Variants in ZC3H3 observed in about 807,000 individuals in gnomAD.
The protein encoded by ZC3H3 is zinc finger CCCH-type containing 3.
In ZC3H3, 36 loss-of-function variants were observed where a neutral mutation model predicts 77.3. That is an observed-to-expected ratio of 0.47 (90% CI 0.36 to 0.61). ZC3H3 has a LOEUF of 0.61. Among genes scored for constraint, ZC3H3 ranks in the 20% least tolerant of loss-of-function variants. The pLI, the probability that ZC3H3 is intolerant of heterozygous loss-of-function variation, is 0.00. For missense variants in ZC3H3, 1,331 were observed against 1,312.2 expected (o/e 1.01, Z -0.22); for synonymous variants, 626 against 555.2 (o/e 1.13, Z -1.79).
intron 4 of ZC3H3, among the ~76,000 whole-genome samples, chr8:143,498,121 G>A (rs1184729986): frequency 6.6e-6 from 1 of 152,330 alleles, no homozygotes; most frequent in South Asian, 2.1e-4. Flanking sequence ...GGGGCCCGGG[G>A]CAGGGGCTGT....
At position 143,483,680 on chromosome 8, in the gene ZC3H3, A is replaced by G. The variant is rs528858534; in HGVS notation, c.1716-8095T>C. Among the ~76,000 whole-genome samples the G allele has an allele frequency of 2.0e-5, 3 of 152,146 alleles. No homozygotes were observed. The South Asian group carries it at 6.2e-4, about 32-fold the overall frequency. On this transcript the variant is annotated intron_variant, in intron 4 of 11. Coordinates refer to ENST00000262577, the MANE Select transcript of ZC3H3 (RefSeq NM_015117.3). The stretch of plus-strand genomic sequence containing the variant: ...TGGCTGCCAGGGCTGAAATCTGACT[A>G]CGTGGTGGCCACGCAGGCCTCACGA...
intron 4 of ZC3H3, 108 bp downstream of exon 4, chr8:143,507,638 G>C: frequency 7.7e-7 from 1 of 1,305,056 alleles, no homozygotes; most frequent in Admixed American, 3.3e-5. Flanking sequence ...AGCAGTTCTG[G>C]GATGTGCTCA....
chr8:143,453,723 C>T (rs1036137066), intron 9 of ZC3H3, among the ~76,000 whole-genome samples: 3 of 152,224 alleles, frequency 2.0e-5, no homozygotes, highest in African/African-American at 7.2e-5. Context: ...GACTTTCCAT[C>T]TCTTCCCCAG....
chr8:143,528,357 C>G (rs996861570), intron 3 of ZC3H3, among the ~76,000 whole-genome samples: 1 of 152,248 alleles, frequency 6.6e-6, no homozygotes, highest in Non-Finnish European at 1.5e-5. Flanking sequence ...GGCCACGCCT[C>G]GGCCAGGCAG....
intron 3 of ZC3H3, among the ~76,000 whole-genome samples, chr8:143,524,285 T>G (rs1048581556): frequency 1.3e-5 from 2 of 152,200 alleles, no homozygotes; most frequent in Admixed American, 6.5e-5. Context: ...CCACAGTTAC[T>G]GAAGCCAAAC....
chr8:143,538,857 C>A lies in ZC3H3; in HGVS notation c.510G>T (p.Gln170His). ...REGEGEPPRG[Q>H]LQPSRPTRAR... The stretch of plus-strand genomic sequence containing the variant: ...CTCTTGTTGGCCTCGAGGGCTGCAG[C>A]TGTCCCCGAGGGGGCTCACCTTCAC... Residue 170 changes from glutamine to histidine, a missense_variant, in exon 2 of 12, where the codon CAG becomes CAT. Gln to His is a conservative substitution (Grantham distance 24). Transcript: ENST00000262577. The A allele has an allele frequency of 6.2e-7, 1 of 1,612,386 alleles. No homozygotes were observed. The highest frequency in any genetic ancestry group is 8.5e-7 in the Non-Finnish European group (1 of 1,179,714).
intron 8 of ZC3H3, among the ~76,000 whole-genome samples, chr8:143,467,851 A>G (rs73715606): frequency 0.03 from 4,490 of 149,880 alleles, 204 homozygotes; most frequent in African/African-American, 0.1. Flanking sequence ...CCCAGTCTGA[A>G]GAGGCCCTGA....
chr8:143,506,979 G>A (rs372904366), intron 4 of ZC3H3, among the ~76,000 whole-genome samples: 20 of 152,346 alleles, frequency 1.3e-4, no homozygotes, highest in East Asian at 1.2e-3. Context: ...GCAGATTCCC[G>A]CGGGGAGGGT....
intron 2 of ZC3H3, 79 bp from the exon 3 acceptor site, chr8:143,536,532 G>A: frequency 7.2e-7 from 1 of 1,380,630 alleles, no homozygotes; most frequent in Non-Finnish European, 9.5e-7. Context: ...AGGACCCGAG[G>A]AGCGTGGGAG....
intron 4 of ZC3H3, among the ~76,000 whole-genome samples, chr8:143,487,716 A>C (rs1437221130): frequency 3.4e-5 from 1 of 29,302 alleles, no homozygotes; most frequent in Non-Finnish European, 6.9e-5. Context: ...AGCACCCGCT[A>C]CACTGCCCCA....
chr8:143,484,317 G>T (rs915261804), intron 4 of ZC3H3, among the ~76,000 whole-genome samples: 1 of 152,224 alleles, frequency 6.6e-6, no homozygotes. Context: ...GCCTGGCTGG[G>T]TGGCAGGGGG....
intron 9 of ZC3H3, among the ~76,000 whole-genome samples, chr8:143,455,020 GA>G (rs113637656): frequency 2.0e-4 from 30 of 147,388 alleles, no homozygotes; most frequent in African/African-American, 3.5e-4. Flanking sequence ...CTCAACTTCA[GA>G]AAAAAAAAAA....
rs112624965 is a variant in ZC3H3, at chr8:143,440,052, G to A, written c.2804C>T (p.Thr935Ile). ...GCCGTGCTGCCTACCTGAGTCCTTG[G>A]TGAGGGGGGCCCTAGGGGCCCGGAC... ...PRVRAPRAPL[T>I]KDSGKPLHIK... Residue 935 changes from threonine (T) to isoleucine (I), a missense_variant, in exon 11 of 12, where the codon ACC (threonine) becomes ATC (isoleucine). By Grantham distance (89) the Thr-to-Ile change is moderately conservative. Coordinates refer to ENST00000262577, the MANE Select transcript of ZC3H3 (RefSeq NM_015117.3). The A allele has an allele frequency of 5.9e-6, 9 of 1,527,778 alleles. No homozygotes were observed. In the East Asian group the frequency reaches 1.9e-4, roughly 32 times the overall value. The allele number at this position is 1,527,778 out of a possible 1,614,324, so 94.6% of individuals were successfully genotyped here.
chr8:143,498,944 G>GGACGGGGCAGA (rs1821441923), intron 4 of ZC3H3, among the ~76,000 whole-genome samples: 1 of 142,602 alleles, frequency 7.0e-6, no homozygotes, highest in African/African-American at 2.8e-5. Flanking sequence ...GGGCAGTGCA[G>GGACGGGGCAGA]GGGGTACAGG....
chr8:143,478,971 G>T (rs1403323161), intron 4 of ZC3H3, among the ~76,000 whole-genome samples: 1 of 152,242 alleles, frequency 6.6e-6, no homozygotes, highest in East Asian at 1.9e-4. Context: ...CCCGGGATCT[G>T]CGCCCGCTCT....
intron 3 of ZC3H3, among the ~76,000 whole-genome samples, chr8:143,525,249 T>A (rs1822375834): frequency 1.3e-5 from 2 of 152,226 alleles, no homozygotes; most frequent in Admixed American, 1.3e-4. Context: ...AGTACCAGCC[T>A]CCTGCTGAGT....
At chr8:143,486,372 G>A (rs1488448222) in intron 4 of ZC3H3, among the ~76,000 whole-genome samples, 3 of 152,222 alleles carry the variant, frequency 2.0e-5, no homozygotes, top group African/African-American at 4.8e-5. Flanking sequence ...TGGCAAGGCT[G>A]GTTTCTGGTG....
chr8:143,462,280 C>T lies in ZC3H3; in HGVS notation c.2307+3437G>A, dbSNP rs574196803. On this transcript the variant is annotated intron_variant, in intron 9 of 11. Transcript: ENST00000262577. This position sits in a 1 kb window ranked among gnomAD's most constrained non-coding sequence, Gnocchi z 4.7. ...GAGGAAGTAACCGTGCAGGGACAAG[C>T]GACACCCACAGCTGCCTCTTGAGCC... Among the ~76,000 whole-genome samples the T allele has an allele frequency of 2.6e-5, 4 of 152,262 alleles. No homozygotes were observed. In the South Asian group the frequency reaches 8.3e-4, roughly 32 times the overall value.
chr8:143,506,269 G>A (rs548805599), intron 4 of ZC3H3, among the ~76,000 whole-genome samples: 26 of 152,384 alleles, frequency 1.7e-4, no homozygotes, highest in African/African-American at 6.3e-4. Flanking sequence ...ACCCCTGGGA[G>A]AGGTGGACCC....
Sources: gnomAD v4.1 joint callset for allele counts (sites outside exome capture counted in the v4.1 genomes callset) on GRCh38, gnomAD v4.1.1 for gene constraint, Gnocchi (gnomAD v3.1) non-coding constraint, MANE v1.5 for transcripts, NCBI Gene and HGNC (gene_info 2026-07-23, HGNC 2026-07-21) for gene names.